SNTG1: variants seen among roughly 807,000 people sequenced by gnomAD.
SNTG1 encodes gamma-1-syntrophin.
SNTG1 carries 39 observed loss-of-function variants against 74.7 expected under a neutral mutation model. The observed-to-expected ratio is 0.52, with a 90% CI of 0.40 to 0.68. The LOEUF (loss-of-function observed/expected upper bound fraction) is 0.68. Ranked by LOEUF, SNTG1 falls within the 30% of genes least tolerant of loss-of-function variation. SNTG1 has a pLI of 0.00. For missense variants in SNTG1, 685 were observed against 609.5 expected, an observed-to-expected ratio of 1.12 and a Z score of -1.30; for synonymous variants, 254 against 217.1, an observed-to-expected ratio of 1.17 and a Z score of -1.49.
chr8:50,627,116 A>G (rs530427744), intron 13 of SNTG1, among the ~76,000 whole-genome samples: 14 of 152,126 alleles, frequency 9.2e-5, no homozygotes, highest in African/African-American at 3.4e-4. Flanking sequence ...TTCTGATTTA[A>G]ACACCTCTCT....
At chr8:50,428,737 A>C (rs2093195795) in intron 4 of SNTG1, among the ~76,000 whole-genome samples, 1 of 152,150 alleles carries the variant, frequency 6.6e-6, no homozygotes, top group Admixed American at 6.6e-5. Flanking sequence ...AAGTGCTGTA[A>C]ATGTGATCTG....
intron 2 of SNTG1, among the ~76,000 whole-genome samples, chr8:50,267,050 T>C (rs892697752): frequency 1.3e-5 from 2 of 152,122 alleles, no homozygotes; most frequent in African/African-American, 4.8e-5. Context: ...TAGGACATAC[T>C]TTAAATTCTT....
At chr8:49,939,724 T>A (rs1282728673) in intron 1 of SNTG1, among the ~76,000 whole-genome samples, 2 of 152,160 alleles carry the variant, frequency 1.3e-5, no homozygotes, top group Non-Finnish European at 2.9e-5. Context: ...ATAACCAAAA[T>A]GAACAACTTG....
At chr8:50,097,631 G>A (rs1242907302) in intron 1 of SNTG1, among the ~76,000 whole-genome samples, 1 of 149,196 alleles carries the variant, frequency 6.7e-6, no homozygotes, top group African/African-American at 2.5e-5. Flanking sequence ...CAGCCTGGGC[G>A]ACAAAATGAG....
chr8:50,640,536 A>G (rs2131168980), intron 13 of SNTG1, among the ~76,000 whole-genome samples: 1 of 152,230 alleles, frequency 6.6e-6, no homozygotes, highest in Admixed American at 6.5e-5. Flanking sequence ...TGCCTTCATC[A>G]CACACATATG....
chr8:50,351,217 A>G (rs916054040), intron 2 of SNTG1, among the ~76,000 whole-genome samples: 1 of 152,214 alleles, frequency 6.6e-6, no homozygotes, highest in Non-Finnish European at 1.5e-5. Context: ...CAGTAGAATT[A>G]GGGTGTTGGA....
chr8:49,997,753 G>GT (rs1453325298), intron 1 of SNTG1, among the ~76,000 whole-genome samples: 5 of 151,912 alleles, frequency 3.3e-5, no homozygotes, highest in East Asian at 1.9e-4. Context: ...TGTTATTGTT[G>GT]TTTTTTTAGC....
At chr8:50,016,852 A>C (rs1008662394) in intron 1 of SNTG1, among the ~76,000 whole-genome samples, 6 of 152,148 alleles carry the variant, frequency 3.9e-5, no homozygotes, top group African/African-American at 1.4e-4. Context: ...TTCCACCAAT[A>C]CAAAAAAAAT....
At chr8:50,418,443 A>G (rs911747863) in intron 4 of SNTG1, among the ~76,000 whole-genome samples, 1 of 151,980 alleles carries the variant, frequency 6.6e-6, no homozygotes, top group African/African-American at 2.4e-5. Context: ...ATTTCCATCT[A>G]TAGGCACTTT....
chr8:50,790,639 T>C (rs935369413), intron 18 of SNTG1, among the ~76,000 whole-genome samples: 2 of 151,856 alleles, frequency 1.3e-5, no homozygotes, highest in Non-Finnish European at 2.9e-5. Context: ...AGGAAAGATG[T>C]GTGGGCATTG....
At chr8:50,491,071 C>G (rs1034613020) in intron 8 of SNTG1, 34 of 152,854 alleles carry the variant, frequency 2.2e-4, no homozygotes, top group Admixed American at 2.0e-3. Flanking sequence ...ACAGATGGAA[C>G]AGCAAGGACG....
At chr8:50,060,641 G>C (rs764295710) in intron 1 of SNTG1, among the ~76,000 whole-genome samples, 2 of 151,874 alleles carry the variant, frequency 1.3e-5, no homozygotes, top group Non-Finnish European at 2.9e-5. Flanking sequence ...CCCTGCCTCT[G>C]ATCTTAGGGT....
intron 13 of SNTG1, among the ~76,000 whole-genome samples, chr8:50,647,118 G>A (rs2095114212): frequency 6.6e-6 from 1 of 152,074 alleles, no homozygotes; most frequent in Non-Finnish European, 1.5e-5. Flanking sequence ...CCTAGAGGAT[G>A]ACATAGGAGA....
chr8:50,565,060 T>A (rs143087118), intron 12 of SNTG1, among the ~76,000 whole-genome samples: 161 of 152,178 alleles, frequency 1.1e-3, no homozygotes, highest in African/African-American at 3.6e-3. Context: ...TTTGCCTCTG[T>A]GATTTTCGTC....
At chr8:50,694,090 A>G (rs1178936615) in intron 15 of SNTG1, among the ~76,000 whole-genome samples, 1 of 152,018 alleles carries the variant, frequency 6.6e-6, no homozygotes, top group Non-Finnish European at 1.5e-5. Flanking sequence ...TATTAGAAGG[A>G]AGAAAATAAT....
At chr8:50,520,387 A>C (rs1429029344) in intron 9 of SNTG1, among the ~76,000 whole-genome samples, 1 of 152,224 alleles carries the variant, frequency 6.6e-6, no homozygotes, top group Admixed American at 6.5e-5. Flanking sequence ...ATGGGCAAAG[A>C]CTTCATGACT....
At chr8:50,673,671 T>C (rs374843179) in intron 15 of SNTG1, among the ~76,000 whole-genome samples, 22 of 152,084 alleles carry the variant, frequency 1.4e-4, no homozygotes, top group Admixed American at 6.6e-5. Flanking sequence ...GCTTTATTTC[T>C]TTCTCTTGCC....
At chr8:50,785,727 A>G (rs1202020726) in intron 18 of SNTG1, among the ~76,000 whole-genome samples, 1 of 150,834 alleles carries the variant, frequency 6.6e-6, no homozygotes, top group Non-Finnish European at 1.5e-5. Flanking sequence ...AAAGCCATAG[A>G]CCAGTATCCC....
chr8:50,328,063 G>A (rs544437620), intron 2 of SNTG1, among the ~76,000 whole-genome samples: 1 of 152,090 alleles, frequency 6.6e-6, no homozygotes, highest in South Asian at 2.1e-4. Flanking sequence ...ACGTTTTGCT[G>A]TTAGATTGAT....
Sources: allele counts gnomAD v4.1 joint callset (sites outside exome capture counted in the v4.1 genomes callset), GRCh38; gene constraint gnomAD v4.1.1; transcripts MANE v1.5; gene names NCBI Gene and HGNC (gene_info 2026-07-23, HGNC 2026-07-21).